Variants in BBS1 observed in about 807,000 individuals in gnomAD.
BBS1 encodes the protein BBSome complex member BBS1.
In BBS1, 60 loss-of-function variants were observed where a neutral mutation model predicts 73.9. The observed-to-expected ratio is 0.81, with a 90% CI of 0.66 to 1.01. The LOEUF is 1.01. BBS1 is among the 50% of genes least tolerant of loss of function. The pLI, the probability that BBS1 is intolerant of heterozygous loss-of-function variation, is 0.00. For synonymous variants in BBS1, 283 were observed against 317.4 expected, an observed-to-expected ratio of 0.89 and a Z score of 1.15; for missense variants, 718 against 770.3, an observed-to-expected ratio of 0.93 and a Z score of 0.80.
At chr11:66,523,647 T>C in intron 10 of BBS1, 71 bp downstream of exon 10, 1 of 1,611,794 alleles carries the variant, frequency 6.2e-7, no homozygotes, top group Non-Finnish European at 8.5e-7. Flanking sequence ...GAGAGTCCTC[T>C]GGCTTCCCCA....
At chr11:66,515,453 C>T in intron 4 of BBS1, 87 bp from the exon 5 acceptor site, 1 of 1,435,978 alleles carries the variant, frequency 7.0e-7, no homozygotes, top group African/African-American at 1.4e-5. Context: ...AAGAGGTACC[C>T]CTAGAAGTGT....
At chr11:66,521,841 G>A (rs546572423) in intron 9 of BBS1, among the ~76,000 whole-genome samples, 141 of 140,496 alleles carry the variant, frequency 1.0e-3, no homozygotes, top group Non-Finnish European at 1.9e-3. Flanking sequence ...GGAGGCGGAG[G>A]TTGCAGTGAG....
chr11:66,527,311 G>GTTCA (rs1050415266), intron 13 of BBS1, among the ~76,000 whole-genome samples: 14 of 151,686 alleles, frequency 9.2e-5, no homozygotes, highest in Non-Finnish European at 1.8e-4. Context: ...TTCATCGTTC[G>GTTCA]TTCATTCATT....
chr11:66,527,295 C>T (rs1452390532), intron 13 of BBS1, among the ~76,000 whole-genome samples: 1 of 151,890 alleles, frequency 6.6e-6, no homozygotes, highest in Non-Finnish European at 1.5e-5. Flanking sequence ...TTTATTTGTT[C>T]ATTCATTCAT....
chr11:66,529,436 A>G (rs1187034727), intron 13 of BBS1: 1 of 858,830 alleles, frequency 1.2e-6, no homozygotes, highest in Non-Finnish European at 1.9e-6. Context: ...TCGAGCGTGG[A>G]CACCAAGGAC....
At chr11:66,511,959 C>G (rs1296770072) in intron 3 of BBS1, among the ~76,000 whole-genome samples, 1 of 147,836 alleles carries the variant, frequency 6.8e-6, no homozygotes, top group African/African-American at 2.6e-5. Context: ...GACCATGCCA[C>G]TACACTCCAG....
intron 16 of BBS1, 61 bp from the exon 17 acceptor site, chr11:66,531,890 C>G (rs1188745371): frequency 6.3e-7 from 1 of 1,576,832 alleles, no homozygotes; most frequent in African/African-American, 1.4e-5. Context: ...TTAGGGCCAG[C>G]GCAGACCAGG....
intron 14 of BBS1, among the ~76,000 whole-genome samples, chr11:66,530,416 C>A (rs1234885245): frequency 6.6e-6 from 1 of 152,054 alleles, no homozygotes; most frequent in East Asian, 1.9e-4. Context: ...GGCTCAGACG[C>A]AAATGAGCTT....
chr11:66,531,632 T>C, intron 15 of BBS1, 24 bp from the exon 16 acceptor site: 1 of 1,613,846 alleles, frequency 6.2e-7, no homozygotes, highest in South Asian at 1.1e-5. Context: ...GCTGGTTTCC[T>C]TACTTCTTTG....
chr11:66,527,039 G>C, intron 13 of BBS1: 1 of 1,535,410 alleles, frequency 6.5e-7, no homozygotes, highest in Non-Finnish European at 8.7e-7. Context: ...TTAGAATTCA[G>C]GGAAGGGAGC....
At chr11:66,517,701 C>T (rs567267143) in intron 7 of BBS1, among the ~76,000 whole-genome samples, 2 of 151,688 alleles carry the variant, frequency 1.3e-5, no homozygotes, top group Admixed American at 6.6e-5. Context: ...CTCTTGACCT[C>T]GTGATCTGCC....
At position 66,515,946 on chromosome 11, in the gene BBS1, T is replaced by C. The variant is rs566796294; in HGVS notation, c.591+13T>C. On this transcript the variant is annotated intron_variant, in intron 7 of 16. Transcript: ENST00000318312. ...CATCAAGCGGCAGGTAATACCCCCTTCTCTTTTTATTTCCCTGTAAAAAAA... is the reference window on the plus strand; with the variant it reads ...CATCAAGCGGCAGGTAATACCCCCTCCTCTTTTTATTTCCCTGTAAAAAAA... The C allele has an allele frequency of 1.2e-5, 19 of 1,613,604 alleles. No homozygotes were observed. The South Asian group carries it at 2.0e-4, about 17-fold the overall frequency.
chr11:66,520,454 T>C (rs1248443015), intron 8 of BBS1: 1 of 152,622 alleles, frequency 6.6e-6, no homozygotes, highest in Non-Finnish European at 1.5e-5. Context: ...CCAGCTAATT[T>C]TTGTATTTTT....
rs1856812069 is a variant in BBS1, at chr11:66,532,122, G to A, written c.*85G>A. 1 of 1,403,146 alleles carries A rather than the reference G, an allele frequency of 7.1e-7. No homozygotes were observed. The highest frequency in any genetic ancestry group is 9.8e-7 in the Non-Finnish European group (1 of 1,025,310). 86.9% of individuals were successfully genotyped at this position (1,403,146 alleles called of 1,614,324 possible). ...TGGCCCCAGGCCCACTCCTCATGCA[G>A]CAGTGTGCTGGGGCGACAGCTCGTC... On this transcript the variant is annotated 3_prime_UTR_variant, in exon 17 of 17. Transcript: ENST00000318312.
chr11:66,519,791 T>C, intron 8 of BBS1, 43 bp downstream of exon 8: 2 of 1,609,104 alleles, frequency 1.2e-6, no homozygotes, highest in Non-Finnish European at 1.7e-6. Context: ...AGGCCCAGGC[T>C]GCATTCTCTC....
intron 11 of BBS1, among the ~76,000 whole-genome samples, chr11:66,525,181 C>T (rs372266366): frequency 3.5e-4 from 49 of 141,368 alleles, no homozygotes; most frequent in African/African-American, 1.2e-3. Context: ...GCCTGGGTGA[C>T]AGAGCGAGAC....
chr11:66,526,325 T>A, intron 12 of BBS1, 133 bp downstream of exon 12: 2 of 930,612 alleles, frequency 2.1e-6, no homozygotes, highest in Non-Finnish European at 3.3e-6. Flanking sequence ...TACAGAAGTG[T>A]CCTTCTGGAG....
rs765732035 is a variant in BBS1, at chr11:66,521,364, A to G, written c.818A>G (p.Tyr273Cys). 28 of 1,614,000 alleles carry G rather than the reference A, an allele frequency of 1.7e-5. No homozygotes were observed. Among genetic ancestry groups the G allele is most frequent in the South Asian group, 3.3e-5 (3 of 91,090 alleles). Residue 273 changes from tyrosine to cysteine, a missense_variant, in exon 9 of 17, where the codon TAT becomes TGT. Transcript: ENST00000318312. ...GCGGCCTGCCGCAATGGAAACATCT[A>G]TATTCTGAGAAGGTAGCCACATCCG... is the stretch of plus-strand genomic sequence containing the variant. ...LAAACRNGNI[Y>C]ILRRDSKHPK...
chr11:66,515,359 G>A (rs537845737), intron 4 of BBS1, among the ~76,000 whole-genome samples, 181 bp from the exon 5 acceptor site: 2 of 152,284 alleles, frequency 1.3e-5, no homozygotes, highest in African/African-American at 4.8e-5. Flanking sequence ...GAGGGATGAT[G>A]TACATGGCCA....
Sources: allele counts gnomAD v4.1 joint callset (sites outside exome capture counted in the v4.1 genomes callset), GRCh38; gene constraint gnomAD v4.1.1; transcripts MANE v1.5; gene names NCBI Gene and HGNC (gene_info 2026-07-23, HGNC 2026-07-21).